Variants in ZFHX3 observed in about 807,000 individuals in gnomAD.
ZFHX3 encodes the protein zinc finger homeobox 3.
A neutral mutation model predicts 279.1 loss-of-function variants in ZFHX3; 42 were observed. The ratio of observed to expected loss-of-function variants is 0.15; its 90% CI spans 0.12 to 0.19. The LOEUF (loss-of-function observed/expected upper bound fraction) is 0.19. Ranked by LOEUF, ZFHX3 falls within the 10% of genes least tolerant of loss-of-function variation. The pLI, the probability that ZFHX3 is intolerant of heterozygous loss-of-function variation, is 1.00. For synonymous variants in ZFHX3, 2,293 were observed against 1,957.8 expected, an observed-to-expected ratio of 1.17 and a Z score of -4.52; for missense variants, 4,981 against 4,754.0, an observed-to-expected ratio of 1.05 and a Z score of -1.40.
At chr16:73,612,282 T>C (rs2052254843) in intron 2 of ZFHX3, among the ~76,000 whole-genome samples, 1 of 152,172 alleles carries the variant, frequency 6.6e-6, no homozygotes, top group Admixed American at 6.5e-5. Context: ...AAAGCTGCTC[T>C]ATTGCACTGA....
intron 2 of ZFHX3, among the ~76,000 whole-genome samples, chr16:73,529,099 G>A (rs904092048): frequency 1.3e-5 from 2 of 152,340 alleles, no homozygotes; most frequent in East Asian, 3.9e-4. Context: ...GAGGCTAGAG[G>A]TGGGCAGTTT....
intron 3 of ZFHX3, among the ~76,000 whole-genome samples, chr16:73,382,561 G>T (rs375698636): frequency 7.2e-5 from 11 of 152,044 alleles, no homozygotes; most frequent in African/African-American, 1.7e-4. Context: ...AATGGATTGT[G>T]GGGGGGCAGG....
At chr16:72,923,450 G>GAAAAAAAAAAAAAAAAAAAAAAAAAAAA in intron 3 of ZFHX3, among the ~76,000 whole-genome samples, 1 of 86,096 alleles carries the variant, frequency 1.2e-5, no homozygotes, top group Non-Finnish European at 2.3e-5. Flanking sequence ...TCTCAGACCA[G>GAAAAAAAAAAAAAAAAAAAAAAAAAAAA]AAAAAAAAAA....
chr16:73,509,392 T>C (rs2019383657), intron 2 of ZFHX3, among the ~76,000 whole-genome samples: 2 of 151,900 alleles, frequency 1.3e-5, no homozygotes, highest in Non-Finnish European at 2.9e-5. Flanking sequence ...GGCCCTTCGA[T>C]GTCTCCTGGC....
intron 1 of ZFHX3, among the ~76,000 whole-genome samples, chr16:73,885,259 T>C (rs1597158253): frequency 6.6e-6 from 1 of 152,176 alleles, no homozygotes; most frequent in Admixed American, 6.5e-5. Context: ...AACTGATCAA[T>C]GTAATTTTTT....
At chr16:73,578,496 G>A (rs374172774) in intron 2 of ZFHX3, among the ~76,000 whole-genome samples, 35 of 152,182 alleles carry the variant, frequency 2.3e-4, no homozygotes, top group Middle Eastern at 6.8e-3. Context: ...AAAATGCTAA[G>A]AGGCTTTATG....
At position 72,795,549 on chromosome 16, in the gene ZFHX3, G is replaced by T; in HGVS notation, c.7133C>A (p.Thr2378Asn). The change falls in exon 9 of 10, where the codon ACC becomes AAC. Residue 2378 changes from threonine to asparagine, a missense_variant. Coordinates refer to ENST00000268489, the MANE Select transcript of ZFHX3 (RefSeq NM_006885.4). ...CATCGGGGTACTGCAGGATGAGCTG[G>T]TAGGCGTCAGGATTTCCATGGCATC... ...SMDAMEILTP[T>N]SSSCSTPMPS... 1 of 1,614,122 alleles carries T rather than the reference G, an allele frequency of 6.2e-7. No homozygotes were observed. The highest frequency in any genetic ancestry group is 8.5e-7 in the Non-Finnish European group (1 of 1,180,026).
Position 72,798,048 on chromosome 16 carries a change from T to C in ZFHX3, c.4634A>G (p.Tyr1545Cys). The C allele has an allele frequency of 1.2e-6, 2 of 1,614,214 alleles. No homozygotes were observed. Among genetic ancestry groups the C allele is most frequent in the Non-Finnish European group, 1.7e-6 (2 of 1,180,032 alleles). Residue 1545 changes from tyrosine (Y) to cysteine (C), a missense_variant, in exon 9 of 10, where the codon TAC (tyrosine) becomes TGC (cysteine). Physicochemically the swap from Tyr to Cys is radical, Grantham distance 194. Transcript: ENST00000268489. ...MEKFLDPSRP[Y>C]KCTVCKESFT... ...AGATTCCTTGCAGACGGTACACTTG[T>C]AAGGGCGAGAAGGGTCTAGGAACTT... is the stretch of plus-strand genomic sequence containing the variant.
intron 2 of ZFHX3, among the ~76,000 whole-genome samples, chr16:73,539,145 T>A (rs1291197814): frequency 6.6e-6 from 1 of 152,064 alleles, no homozygotes; most frequent in Non-Finnish European, 1.5e-5. Flanking sequence ...TTCTTTTTTT[T>A]TTGCCTTTGA....
chr16:73,734,097 A>G (rs1028340969), intron 1 of ZFHX3, among the ~76,000 whole-genome samples: 4 of 152,108 alleles, frequency 2.6e-5, no homozygotes, highest in African/African-American at 9.7e-5. Flanking sequence ...TCAATTCACA[A>G]TAGTGTTTGT....
At chr16:73,778,459 C>G (rs765636897) in intron 1 of ZFHX3, among the ~76,000 whole-genome samples, 10 of 152,086 alleles carry the variant, frequency 6.6e-5, no homozygotes, top group Non-Finnish European at 1.5e-4. Context: ...TGCAAAATAA[C>G]ATGTTCTTCA....
chr16:73,255,096 C>T (rs191509137), intron 5 of ZFHX3, among the ~76,000 whole-genome samples: 5 of 152,252 alleles, frequency 3.3e-5, no homozygotes, highest in East Asian at 1.9e-4. Context: ...GGTGACTAGC[C>T]GGCAAAGAAT....
chr16:73,634,893 T>C (rs2052514264), intron 2 of ZFHX3, among the ~76,000 whole-genome samples: 1 of 152,120 alleles, frequency 6.6e-6, no homozygotes, highest in African/African-American at 2.4e-5. Flanking sequence ...TGTGGTTGTG[T>C]GTGTGTGTGT....
chr16:73,751,162 C>G (rs1480345024), intron 1 of ZFHX3, among the ~76,000 whole-genome samples: 1 of 152,196 alleles, frequency 6.6e-6, no homozygotes, highest in African/African-American at 2.4e-5. Flanking sequence ...GACTGAGGAC[C>G]TCTGGGAAGA....
At chr16:73,028,368 G>A (rs1964584593) in intron 1 of ZFHX3, among the ~76,000 whole-genome samples, 1 of 152,204 alleles carries the variant, frequency 6.6e-6, no homozygotes, top group Non-Finnish European at 1.5e-5. Flanking sequence ...AGTCCTGCCA[G>A]GAAGAAAGCC....
chr16:73,719,847 G>A (rs1295956148), intron 1 of ZFHX3, among the ~76,000 whole-genome samples: 3 of 150,398 alleles, frequency 2.0e-5, no homozygotes, highest in Admixed American at 2.0e-4. Context: ...TGGTCAGGCT[G>A]GTCTCAAACT....
In ZFHX3 at chr16:73,474,109, G is replaced by A. The variant is rs73598951; in HGVS notation, c.-1546-17851C>T. On this transcript the variant is annotated intron_variant, in intron 2 of 17. Coordinates refer to the ZFHX3 transcript ENST00000641206. Reference sequence around the variant, plus strand: ...AAACCACACCAAAGGAAATTCTTTGGGGTCTGGATTCTCGCTCTTTTTTAT... The same window carrying A: ...AAACCACACCAAAGGAAATTCTTTGAGGTCTGGATTCTCGCTCTTTTTTAT... Among the ~76,000 whole-genome samples, 190 of 152,056 alleles carry A rather than the reference G, an allele frequency of 1.2e-3. 1 individual carries two copies. The highest frequency in any genetic ancestry group is 4.3e-3 in the African/African-American group (180 of 41,496).
chr16:73,383,901 GCCT>G (rs1314709127), intron 3 of ZFHX3, among the ~76,000 whole-genome samples: 8 of 152,196 alleles, frequency 5.3e-5, no homozygotes, highest in Admixed American at 5.2e-4. Flanking sequence ...AAGAATGCAT[GCCT>G]TCCAAAGAGT....
chr16:72,832,349 T>C (rs1034589283), intron 4 of ZFHX3, among the ~76,000 whole-genome samples: 4 of 152,150 alleles, frequency 2.6e-5, no homozygotes, highest in African/African-American at 9.7e-5. Context: ...TGAATATTCC[T>C]GGAGCTCTCA....
Sources: gnomAD v4.1 joint callset for allele counts (sites outside exome capture counted in the v4.1 genomes callset) on GRCh38, gnomAD v4.1.1 for gene constraint, MANE v1.5 for transcripts, NCBI Gene and HGNC (gene_info 2026-07-23, HGNC 2026-07-21) for gene names.